The following PRKAR2A variants were observed in gnomAD, a reference collection of about 807,000 sequenced individuals.
PRKAR2A encodes protein kinase cAMP-dependent type II regulatory subunit alpha.
In PRKAR2A, 29 loss-of-function variants were observed where a neutral mutation model predicts 51.9. That is an observed-to-expected ratio of 0.56 (90% CI 0.42 to 0.76). The LOEUF is 0.76. PRKAR2A is among the 30% of genes least tolerant of loss of function. The pLI, the probability that PRKAR2A is intolerant of heterozygous loss-of-function variation, is 0.00. For missense variants in PRKAR2A, 445 were observed against 512.1 expected (o/e 0.87, Z 1.26); for synonymous variants, 178 against 186.2 (o/e 0.96, Z 0.36).
chr3:48,838,922 T>C (rs1425503023), intron 1 of PRKAR2A, among the ~76,000 whole-genome samples: 1 of 150,864 alleles, frequency 6.6e-6, no homozygotes, highest in African/African-American at 2.4e-5. Context: ...AGGTGGAGCT[T>C]GCAGTCAGCC....
chr3:48,808,539 C>T (rs1377971047), intron 1 of PRKAR2A, among the ~76,000 whole-genome samples: 1 of 151,512 alleles, frequency 6.6e-6, no homozygotes, highest in Non-Finnish European at 1.5e-5. Context: ...AGGCGTGAGC[C>T]ACCGCGCCTG....
chr3:48,750,400 A>T lies in PRKAR2A; in HGVS notation c.*1185T>A, dbSNP rs898602208. 6.5e-6 allele frequency: 1 copy of T among 152,692 alleles called. No homozygotes were observed. The highest frequency in any genetic ancestry group is 1.5e-5 in the Non-Finnish European group (1 of 68,462). 9.5% of individuals were successfully genotyped at this position (152,692 alleles called of 1,614,324 possible). A position where few individuals can be genotyped will look rare whatever the true frequency, so the allele number is the denominator to read the frequency against. On this transcript the variant is annotated 3_prime_UTR_variant, in exon 11 of 11. Coordinates refer to ENST00000265563, the MANE Select transcript of PRKAR2A (RefSeq NM_004157.4). ...AAAAAAAAAATTTTTGTTTTTGTAG[A>T]GACAGGATCTCACTCTGTTGCCTAG...
At chr3:48,792,061 T>C (rs1172180672) in intron 3 of PRKAR2A, among the ~76,000 whole-genome samples, 1 of 152,128 alleles carries the variant, frequency 6.6e-6, no homozygotes, top group Non-Finnish European at 1.5e-5. Context: ...TGGTAGCGTT[T>C]ATTAGAATAC....
chr3:48,791,014 C>T (rs1197442959), intron 3 of PRKAR2A, among the ~76,000 whole-genome samples: 4 of 152,014 alleles, frequency 2.6e-5, no homozygotes, highest in African/African-American at 9.7e-5. Context: ...GTTGGCCGGG[C>T]GAGGTGGCTC....
intron 1 of PRKAR2A, among the ~76,000 whole-genome samples, chr3:48,836,834 TGTTTA>T (rs993210111): frequency 2.0e-5 from 3 of 151,266 alleles, no homozygotes; most frequent in African/African-American, 7.3e-5. Flanking sequence ...AAAAAAATTT[TGTTTA>T]GTTAGCCAGA....
chr3:48,804,189 G>A (rs982855338), intron 2 of PRKAR2A, among the ~76,000 whole-genome samples: 3 of 152,110 alleles, frequency 2.0e-5, no homozygotes, highest in Admixed American at 2.0e-4. Flanking sequence ...GGCCAGGTGT[G>A]GTGGCTCACA....
At position 48,770,594 on chromosome 3, in the gene PRKAR2A, T is replaced by C. The variant is rs532482859; in HGVS notation, c.696+2361A>G. ...GTCTGGGCTTGCAAAGCAAGTCAATTAACAGGAGAAAAGTAGAGGCCAAAA... is the reference window on the plus strand; with the variant it reads ...GTCTGGGCTTGCAAAGCAAGTCAATCAACAGGAGAAAAGTAGAGGCCAAAA... On this transcript the variant is annotated intron_variant, in intron 6 of 10. Coordinates refer to ENST00000265563, the MANE Select transcript of PRKAR2A (RefSeq NM_004157.4). Among the ~76,000 whole-genome samples the C allele has an allele frequency of 2.6e-5, 4 of 152,146 alleles. No individual in the cohort carries two copies. The South Asian group carries it at 6.2e-4, about 24-fold the overall frequency.
At chr3:48,791,339 G>A (rs1175305749) in intron 3 of PRKAR2A, among the ~76,000 whole-genome samples, 2 of 146,272 alleles carry the variant, frequency 1.4e-5, no homozygotes, top group East Asian at 2.0e-4. Context: ...GCGCACGCCT[G>A]TAATCCCAGC....
At chr3:48,822,361 T>C (rs2082981642) in intron 1 of PRKAR2A, among the ~76,000 whole-genome samples, 1 of 152,002 alleles carries the variant, frequency 6.6e-6, no homozygotes, top group Admixed American at 6.6e-5. Context: ...TGTAGAAGCA[T>C]CTCCCAAACT....
At chr3:48,806,773 C>G (rs953679310) in intron 2 of PRKAR2A, among the ~76,000 whole-genome samples, 1 of 151,728 alleles carries the variant, frequency 6.6e-6, no homozygotes, top group Non-Finnish European at 1.5e-5. Flanking sequence ...ATTTGGAAAG[C>G]ATTCTTTTTT....
chr3:48,828,347 C>G (rs1028359129), intron 1 of PRKAR2A, among the ~76,000 whole-genome samples: 3 of 152,038 alleles, frequency 2.0e-5, no homozygotes, highest in African/African-American at 7.2e-5. Flanking sequence ...TACAGACACT[C>G]AGCTCTTCTT....
chr3:48,839,483 C>T (rs184251543), intron 1 of PRKAR2A, among the ~76,000 whole-genome samples: 183 of 151,376 alleles, frequency 1.2e-3, no homozygotes, highest in African/African-American at 4.3e-3. Flanking sequence ...TTCTGAATGT[C>T]GATTTATTGT....
intron 1 of PRKAR2A, among the ~76,000 whole-genome samples, chr3:48,809,444 AAAT>A (rs1484899914): frequency 6.6e-6 from 1 of 151,728 alleles, no homozygotes; most frequent in African/African-American, 2.4e-5. Context: ...TACAAAAAAA[AAAT>A]TAGCTGGGCG....
At chr3:48,789,763 G>A (rs904641399) in intron 4 of PRKAR2A, among the ~76,000 whole-genome samples, 6 of 151,748 alleles carry the variant, frequency 4.0e-5, no homozygotes, top group African/African-American at 1.2e-4. Flanking sequence ...ATGAGCCACC[G>A]CACCCAGCCA....
In PRKAR2A at chr3:48,756,359, A is replaced by G. The variant is rs753665672; in HGVS notation, c.939+20T>C. On this transcript the variant is annotated intron_variant, in intron 9 of 10. Transcript: ENST00000265563. ...TTACTTTTTGTGTGTACACCATCAC[A>G]TATAAACTGATAAACTCACCCTGCT... The G allele has an allele frequency of 3.8e-6, 6 of 1,599,840 alleles. No individual in the cohort carries two copies. The South Asian group carries it at 6.6e-5, about 18-fold the overall frequency.
chr3:48,765,000 TCA>T lies in PRKAR2A; in HGVS notation c.873+2_873+3del. On this transcript the variant is annotated splice_donor_variant and splice_donor_region_variant and intron_variant, in intron 8 of 10. Coordinates refer to ENST00000265563, the MANE Select transcript of PRKAR2A (RefSeq NM_004157.4). LOFTEE classifies it high-confidence loss of function. ...GAAAGGAGCTGCGTAAAGCCCTCAC[TCA>T]CCTGAGTGATTATGCGTTCTCCATC... The T allele has an allele frequency of 6.2e-7, 1 of 1,613,296 alleles. No individual in the cohort carries two copies. The highest frequency in any genetic ancestry group is 8.5e-7 in the Non-Finnish European group (1 of 1,179,278).
intron 1 of PRKAR2A, among the ~76,000 whole-genome samples, chr3:48,811,130 T>C (rs1262487278): frequency 6.6e-6 from 1 of 151,904 alleles, no homozygotes; most frequent in Admixed American, 6.6e-5. Context: ...TGAACCATGA[T>C]TGTACCACTG....
At chr3:48,776,130 AAAC>A (rs2082101118) in intron 5 of PRKAR2A, among the ~76,000 whole-genome samples, 1 of 151,842 alleles carries the variant, frequency 6.6e-6, no homozygotes, top group African/African-American at 2.4e-5. Context: ...ACAAACAAAC[AAAC>A]GATACAATTA....
At chr3:48,812,633 C>T (rs2107375729) in intron 1 of PRKAR2A, among the ~76,000 whole-genome samples, 1 of 152,180 alleles carries the variant, frequency 6.6e-6, no homozygotes, top group East Asian at 1.9e-4. Flanking sequence ...CAGGCGCCTG[C>T]CACCACGCCT....
Sources: allele counts gnomAD v4.1 joint callset (sites outside exome capture counted in the v4.1 genomes callset), GRCh38; gene constraint gnomAD v4.1.1; transcripts MANE v1.5; gene names NCBI Gene and HGNC (gene_info 2026-07-23, HGNC 2026-07-21).